Variants in ARMC2 observed in about 807,000 individuals in gnomAD.
ARMC2 encodes armadillo repeat containing 2.
In ARMC2, 67 loss-of-function variants were observed where a neutral mutation model predicts 90.3. The ratio of observed to expected loss-of-function variants is 0.74; its 90% CI spans 0.61 to 0.91. The LOEUF (loss-of-function observed/expected upper bound fraction) is 0.91, where lower values mean the gene tolerates loss of function less well. Ranked by LOEUF, ARMC2 falls within the 40% of genes least tolerant of loss-of-function variation. The pLI is 0.00. For synonymous variants in ARMC2, 393 were observed against 393.0 expected, an observed-to-expected ratio of 1.00 and a Z score of 0.00; for missense variants, 920 against 1,030.9, an observed-to-expected ratio of 0.89 and a Z score of 1.47.
intron 17 of ARMC2, among the ~76,000 whole-genome samples, chr6:108,965,371 CTTT>C (rs35328272): frequency 3.2e-5 from 4 of 126,736 alleles, no homozygotes; most frequent in Non-Finnish European, 6.4e-5. Flanking sequence ...TCTTCTATGG[CTTT>C]TTTTTTTTTT....
intron 1 of ARMC2, among the ~76,000 whole-genome samples, chr6:108,850,193 CT>C (rs376030492): frequency 1.3e-5 from 2 of 152,346 alleles, no homozygotes; most frequent in Non-Finnish European, 2.9e-5. Context: ...AAGTTCTTCA[CT>C]TTCAAATTTC....
chr6:109,013,605 CAT>C, the ARMC2 span, among the ~76,000 whole-genome samples: 1 of 152,324 alleles, frequency 6.6e-6, no homozygotes, highest in South Asian at 2.1e-4. Context: ...TTATGGACCA[CAT>C]GTTAAACCCT....
chr6:109,049,259 T>C, the ARMC2 span, among the ~76,000 whole-genome samples: 3 of 151,360 alleles, frequency 2.0e-5, no homozygotes, highest in African/African-American at 4.9e-5. Context: ...TTATGATAAG[T>C]AAAATAAGCC....
chr6:108,913,745 G>A (rs13197784), intron 10 of ARMC2, among the ~76,000 whole-genome samples: 39,671 of 151,884 alleles, frequency 0.26, 6,479 homozygotes, highest in Non-Finnish European at 0.35. Flanking sequence ...ACTTTTAATA[G>A]TCACTTTTGT....
At chr6:108,862,845 A>T (rs1052695749) in intron 3 of ARMC2, among the ~76,000 whole-genome samples, 1 of 152,230 alleles carries the variant, frequency 6.6e-6, no homozygotes. Context: ...CTCCACCAGC[A>T]GTCAGTCAGG....
chr6:109,047,373 G>C, the ARMC2 span, among the ~76,000 whole-genome samples: 301 of 127,676 alleles, frequency 2.4e-3, no homozygotes, highest in African/African-American at 6.6e-3. Context: ...CCGGCCAGCC[G>C]CCCCGTCCGG....
At chr6:108,855,027 A>G (rs982380933) in intron 2 of ARMC2, among the ~76,000 whole-genome samples, 2 of 152,136 alleles carry the variant, frequency 1.3e-5, no homozygotes, top group African/African-American at 4.8e-5. Context: ...ACTTAGTAAT[A>G]TGCATTTAAG....
At position 108,854,398 on chromosome 6, in the gene ARMC2, G is replaced by A. The variant is rs1362719059; in HGVS notation, c.131G>A (p.Arg44Lys). 1 of 1,613,128 alleles carries A rather than the reference G, an allele frequency of 6.2e-7. No homozygotes were observed. Among genetic ancestry groups the A allele is most frequent in the African/African-American group, 1.3e-5 (1 of 74,692 alleles). ...GCATTAAGAACAGTTAGAACCCAAA[G>A]ACCATTTACACCACAGGAGGCTCAA... Reference protein sequence around the residue: ...RNALRTVRTQRPFTPQEAQRK... With the variant: ...RNALRTVRTQKPFTPQEAQRK... The change falls in exon 2 of 18, where the codon AGA becomes AAA. Residue 44 changes from arginine (R) to lysine (K), a missense_variant. Physicochemically the swap from Arg to Lys is conservative, Grantham distance 26. Transcript: ENST00000392644.
At chr6:108,912,149 A>T (rs1372685838) in intron 9 of ARMC2, among the ~76,000 whole-genome samples, 186 bp from the exon 10 acceptor site, 2 of 152,184 alleles carry the variant, frequency 1.3e-5, no homozygotes, top group South Asian at 2.1e-4. Context: ...AATTACTATT[A>T]CAGAGACTTA....
downstream of ARMC2, among the ~76,000 whole-genome samples, chr6:108,976,514 T>A (rs1430053523): frequency 6.6e-6 from 1 of 152,206 alleles, no homozygotes; most frequent in Non-Finnish European, 1.5e-5. Context: ...GTATGAAATT[T>A]AAAGTAGTTT....
At position 108,973,737 on chromosome 6, in the gene ARMC2, A is replaced by G. The variant is rs754277007; in HGVS notation, c.*223A>G. On this transcript the variant is annotated 3_prime_UTR_variant, in exon 18 of 18. Transcript: ENST00000392644. ...TATATTTCCTGTTGAGAGAAATGTAAGATGAAAATATGTGCATTTTCAAGT... is the reference window on the plus strand; with the variant it reads ...TATATTTCCTGTTGAGAGAAATGTAGGATGAAAATATGTGCATTTTCAAGT... 4 of 391,112 alleles carry G rather than the reference A, an allele frequency of 1.0e-5. No homozygotes were observed. Among genetic ancestry groups the G allele is most frequent in the Non-Finnish European group, 1.8e-5 (4 of 220,940 alleles). The allele number at this position is 391,112 out of a possible 1,614,324, so 24.2% of individuals were successfully genotyped here.
the ARMC2 span, among the ~76,000 whole-genome samples, chr6:109,010,471 A>T: frequency 3.4e-4 from 52 of 152,346 alleles, no homozygotes; most frequent in East Asian, 9.6e-3. Flanking sequence ...CATTCTGACA[A>T]GGAAACAAGT....
At chr6:108,987,806 C>CTTTTTTTT in the ARMC2 span, among the ~76,000 whole-genome samples, 73 of 135,572 alleles carry the variant, frequency 5.4e-4, 1 homozygote, top group Middle Eastern at 4.1e-3. Flanking sequence ...CAGCAGCTAT[C>CTTTTTTTT]TTTTTTTTTT....
intron 5 of ARMC2, among the ~76,000 whole-genome samples, chr6:108,889,346 A>G (rs1770706759): frequency 6.6e-6 from 1 of 151,154 alleles, no homozygotes; most frequent in Non-Finnish European, 1.5e-5. Context: ...GAGTTTCACC[A>G]TATTGGCCAG....
intron 4 of ARMC2, among the ~76,000 whole-genome samples, chr6:108,869,666 C>G (rs1336258087): frequency 6.6e-6 from 1 of 152,084 alleles, no homozygotes; most frequent in Non-Finnish European, 1.5e-5. Flanking sequence ...AAGCTTATTT[C>G]TTTGAGAATG....
At chr6:108,970,930 G>C (rs7753554) in intron 17 of ARMC2, among the ~76,000 whole-genome samples, 28,391 of 152,130 alleles carry the variant, frequency 0.19, 3,140 homozygotes, top group African/African-American at 0.31. Context: ...GCCTAGAAAT[G>C]TGAAATCACT....
the ARMC2 span, among the ~76,000 whole-genome samples, chr6:109,021,316 A>G: frequency 6.6e-6 from 1 of 152,206 alleles, no homozygotes; most frequent in Non-Finnish European, 1.5e-5. Flanking sequence ...AGGTTTGCTA[A>G]TAACATTGTA....
intron 3 of ARMC2, among the ~76,000 whole-genome samples, chr6:108,860,180 A>G (rs1321082786): frequency 3.3e-5 from 5 of 150,760 alleles, no homozygotes; most frequent in African/African-American, 1.2e-4. Flanking sequence ...TTTTCCCTCT[A>G]CATTATCTCT....
At chr6:108,928,491 C>T (rs1038403280) in intron 11 of ARMC2, among the ~76,000 whole-genome samples, 2 of 152,044 alleles carry the variant, frequency 1.3e-5, no homozygotes, top group East Asian at 1.9e-4. Flanking sequence ...TTGTGAGCTA[C>T]GTGTGTGTGT....
Sources: gnomAD v4.1 joint callset for allele counts (sites outside exome capture counted in the v4.1 genomes callset) on GRCh38, gnomAD v4.1.1 for gene constraint, MANE v1.5 for transcripts, NCBI Gene and HGNC (gene_info 2026-07-23, HGNC 2026-07-21) for gene names.